Variants in DPRX observed in about 807,000 individuals in gnomAD.
DPRX encodes divergent-paired related homeobox, also known as divergent paired-related homeobox.
In DPRX, 11 loss-of-function variants were observed where a neutral mutation model predicts 8.4. That is an observed-to-expected ratio of 1.31 (90% CI 0.82 to 2.17). The LOEUF is 2.17. DPRX is among the 30% of genes most tolerant of loss of function. The pLI, the probability that DPRX is intolerant of heterozygous loss-of-function variation, is 0.00. For synonymous variants in DPRX, 72 were observed against 87.0 expected (o/e 0.83, Z 0.96); for missense variants, 211 against 236.7 (o/e 0.89, Z 0.71).
chr19:53,611,196 C>G, the DPRX span, among the ~76,000 whole-genome samples: 4 of 152,084 alleles, frequency 2.6e-5, no homozygotes, highest in African/African-American at 9.7e-5. Flanking sequence ...GCCACAGAGC[C>G]CAGCCACAAA....
At chr19:53,634,497 T>A (rs1454669993) in intron 1 of DPRX, 34 bp from the exon 2 acceptor site, 1 of 1,592,664 alleles carries the variant, frequency 6.3e-7, no homozygotes, top group Non-Finnish European at 8.5e-7. Context: ...GTTGTTAGCA[T>A]TTCCCATTTG....
At chr19:53,604,947 A>ATTT in the DPRX span, among the ~76,000 whole-genome samples, 1 of 152,098 alleles carries the variant, frequency 6.6e-6, no homozygotes, top group Non-Finnish European at 1.5e-5. Context: ...TGATTTGATT[A>ATTT]TTACATCTTG....
chr19:53,626,501 C>T, the DPRX span, among the ~76,000 whole-genome samples: 2 of 152,164 alleles, frequency 1.3e-5, no homozygotes, highest in Admixed American at 1.3e-4. Context: ...CTGCAGTGAG[C>T]TGGGATCACA....
At chr19:53,603,035 G>A in the DPRX span, among the ~76,000 whole-genome samples, 11 of 150,430 alleles carry the variant, frequency 7.3e-5, no homozygotes, top group South Asian at 2.1e-4. Context: ...GTGTGTGTGT[G>A]TGTATATATA....
At chr19:53,636,899 C>T (rs373577936) in exon 3 of DPRX, 6 of 1,613,974 alleles carry the variant, frequency 3.7e-6, no homozygotes, top group East Asian at 4.5e-5. Context: ...TATATACTGC[C>T]TCTACCCCAT....
the DPRX span, among the ~76,000 whole-genome samples, chr19:53,618,843 C>T: frequency 3.3e-5 from 5 of 152,034 alleles, no homozygotes; most frequent in Middle Eastern, 3.4e-3. Flanking sequence ...CCACCAAACC[C>T]GGCTAATTTT....
chr19:53,636,586 T>C lies in DPRX; in HGVS notation c.184-10T>C, dbSNP rs181455684. 8.9e-6 allele frequency: 14 copies of C among 1,577,524 alleles called. No individual in the cohort carries two copies. Among genetic ancestry groups the C allele is most frequent in the Admixed American group, 7.0e-5 (4 of 57,178 alleles). On this transcript the variant is annotated splice_polypyrimidine_tract_variant and intron_variant, in intron 2 of 2. Transcript: ENST00000376650. ...ATTCCACCCCATTCTCTTCTCTCTC[T>C]TCCCTTCAGGTCTGGTTCAAGAATC...
the DPRX span, among the ~76,000 whole-genome samples, chr19:53,608,828 G>A: frequency 0.039 from 5,961 of 151,390 alleles, 275 homozygotes; most frequent in East Asian, 0.14. Flanking sequence ...GGTGGCGGGC[G>A]CCTGTAGTCC....
At chr19:53,627,727 C>T (rs2091076823), upstream of DPRX, among the ~76,000 whole-genome samples, 1 of 150,168 alleles carries the variant, frequency 6.7e-6, no homozygotes, top group Non-Finnish European at 1.5e-5. Flanking sequence ...ACATGAGCCA[C>T]CGTGCCCAGC....
chr19:53,625,139 C>A, the DPRX span, among the ~76,000 whole-genome samples: 1 of 145,998 alleles, frequency 6.8e-6, no homozygotes, highest in South Asian at 2.2e-4. Context: ...CATAGCTCAA[C>A]CTTCTGGGCT....
the DPRX span, among the ~76,000 whole-genome samples, chr19:53,605,044 G>A: frequency 6.6e-6 from 1 of 151,856 alleles, no homozygotes; most frequent in African/African-American, 2.4e-5. Context: ...CCAGGTGCAG[G>A]GGCTCATGCC....
At chr19:53,609,513 CA>C in the DPRX span, among the ~76,000 whole-genome samples, 1 of 92,122 alleles carries the variant, frequency 1.1e-5, no homozygotes, top group Admixed American at 1.1e-4. Context: ...AAACCAGAAA[CA>C]AAAAAAACCC....
chr19:53,610,151 C>CAAAAAAAAAAA, the DPRX span, among the ~76,000 whole-genome samples: 4 of 77,700 alleles, frequency 5.1e-5, no homozygotes, highest in Non-Finnish European at 6.5e-5. Context: ...AACTGTGTCT[C>CAAAAAAAAAAA]AAAAAAAAAA....
exon 2 of DPRX, chr19:53,634,611 G>A: frequency 6.2e-7 from 1 of 1,614,020 alleles, no homozygotes; most frequent in Non-Finnish European, 8.5e-7. Context: ...CTTGTTCAAT[G>A]AGAACCCATA....
the DPRX span, among the ~76,000 whole-genome samples, chr19:53,607,458 T>G: frequency 3.9e-5 from 6 of 152,076 alleles, no homozygotes; most frequent in Non-Finnish European, 8.8e-5. Flanking sequence ...CTCTAGATGA[T>G]TGCTTGAGCC....
At chr19:53,618,960 G>A in the DPRX span, among the ~76,000 whole-genome samples, 4 of 152,164 alleles carry the variant, frequency 2.6e-5, no homozygotes, top group East Asian at 5.8e-4. Context: ...GGGATTACAG[G>A]TGTGAGCCAC....
At chr19:53,624,820 C>A in the DPRX span, among the ~76,000 whole-genome samples, 1 of 107,786 alleles carries the variant, frequency 9.3e-6, no homozygotes, top group Admixed American at 1.3e-4. Flanking sequence ...CCAGCCTGGG[C>A]GACAGTCACA....
chr19:53,636,580 T>C lies in DPRX; in HGVS notation c.184-16T>C. On this transcript the variant is annotated splice_polypyrimidine_tract_variant and intron_variant, in intron 2 of 2. Coordinates refer to ENST00000376650, the Ensembl canonical transcript of DPRX. ...ATCTGAATTCCACCCCATTCTCTTC[T>C]CTCTCTTCCCTTCAGGTCTGGTTCA... 6.5e-7 allele frequency: 1 copy of C among 1,542,446 alleles called. No homozygotes were observed. The highest frequency in any genetic ancestry group is 2.3e-5 in the East Asian group (1 of 44,164).
chr19:53,630,377 TC>T (rs751434482), upstream of DPRX, among the ~76,000 whole-genome samples: 1 of 151,920 alleles, frequency 6.6e-6, no homozygotes, highest in Non-Finnish European at 1.5e-5. Flanking sequence ...CTAGCCAAAA[TC>T]CCTTCTCTAC....
Sources: allele counts gnomAD v4.1 joint callset (sites outside exome capture counted in the v4.1 genomes callset), GRCh38; gene constraint gnomAD v4.1.1; transcripts MANE v1.5; gene names NCBI Gene and HGNC (gene_info 2026-07-23, HGNC 2026-07-21).